The following SPAG8 variants were observed in gnomAD, a reference collection of about 807,000 sequenced individuals.
SPAG8 encodes the protein sperm-associated antigen 8.
In SPAG8, 36 loss-of-function variants were observed where a neutral mutation model predicts 45.3. That is an observed-to-expected ratio of 0.80 (90% CI 0.61 to 1.05). SPAG8 has a LOEUF of 1.05. Ranked by LOEUF, SPAG8 falls within the 50% of genes least tolerant of loss-of-function variation. The probability of loss-of-function intolerance (pLI) is 0.00; values close to 1 mark genes in which losing one functional copy is unlikely to be tolerated. For synonymous variants in SPAG8, 227 were observed against 232.6 expected (o/e 0.98, Z 0.22); for missense variants, 573 against 609.2 (o/e 0.94, Z 0.63).
chr9:35,810,854 G>A (rs367551730), intron 3 of SPAG8, 29 bp downstream of exon 3: 231 of 1,606,756 alleles, frequency 1.4e-4, no homozygotes, highest in Middle Eastern at 3.7e-4. Flanking sequence ...TAATGGGCTC[G>A]TTCTGGCCTA....
chr9:35,810,283 A>C lies in SPAG8; in HGVS notation c.1227T>G (p.Pro409=). ...TKPHDYRQEQ[P]ETFWIQRAPQ... The stretch of plus-strand genomic sequence containing the variant: ...GTGCCCTCTGTATCCAGAAGGTCTC[A>C]GGTTGCTCCTGGCGGTAGTCGTGAG... The change falls in exon 6 of 7, where the codon CCT becomes CCG. Residue 409 remains proline, a synonymous_variant. Coordinates refer to ENST00000396638, the MANE Select transcript of SPAG8 (RefSeq NM_001039592.2). The C allele has an allele frequency of 6.2e-7, 1 of 1,614,194 alleles. No homozygotes were observed. Among genetic ancestry groups the C allele is most frequent in the Non-Finnish European group, 8.5e-7 (1 of 1,179,996 alleles).
downstream of SPAG8, chr9:35,808,423 T>G (rs1476712905): frequency 1.4e-6 from 2 of 1,470,744 alleles, no homozygotes; most frequent in Non-Finnish European, 1.9e-6. This position sits in a 1 kb window ranked among gnomAD's most constrained non-coding sequence, Gnocchi z 4.0. Context: ...GGATGATTAA[T>G]GATGGTGTCA....
rs756554561 is a variant in SPAG8, at chr9:35,811,614, C to A, written c.432G>T (p.Gly144=). The A allele has an allele frequency of 8.1e-6, 13 of 1,614,126 alleles. No homozygotes were observed. Among genetic ancestry groups the A allele is most frequent in the Non-Finnish European group, 1.1e-5 (13 of 1,179,996 alleles). The part of the protein sequence containing the change: ...NPGPVPGSSS[G]PVLGSSSGAG... ...CACCTGAGCTGGAACCAAGAACAGG[C>A]CCAGAGCTAGAGCCTGGAACAGGGC... The change falls in exon 2 of 7, where the codon GGG becomes GGT. Residue 144 remains glycine (G), a synonymous_variant. Coordinates refer to ENST00000396638, the MANE Select transcript of SPAG8 (RefSeq NM_001039592.2).
rs371932974 is a variant in SPAG8, at chr9:35,811,978, G to A, written c.68C>T (p.Ser23Phe). 78 of 1,601,658 alleles carry A rather than the reference G, an allele frequency of 4.9e-5. No homozygotes were observed. Among genetic ancestry groups the A allele is most frequent in the Non-Finnish European group, 6.3e-5 (74 of 1,172,016 alleles). The change falls in exon 2 of 7, where the codon TCC becomes TTC. Residue 23 changes from serine (S) to phenylalanine (F), a missense_variant. Transcript: ENST00000396638. ...RSRSLDIQPSSEGLGPTSEPF... is the reference protein window; with the variant it reads ...RSRSLDIQPSFEGLGPTSEPF... ...TTCCGAAGTGGGCCCCAGTCCTTCG[G>A]AGCTGGGCTGTATGTCTAAAGATCT...
At position 35,811,753 on chromosome 9, in the gene SPAG8, G is replaced by A. The variant is rs575184259; in HGVS notation, c.293C>T (p.Ala98Val). Residue 98 changes from alanine to valine, a missense_variant, in exon 2 of 7, where the codon GCG becomes GTG. By Grantham distance (64) the Ala-to-Val change is moderately conservative. Coordinates refer to ENST00000396638, the MANE Select transcript of SPAG8 (RefSeq NM_001039592.2). ...TATATTGTGGGTAAAGCCGGGTCCC[G>A]CACAGGGCTCCCCAAGAAGGCTGGG... ...SDPSLLGEPCAGPGFTHNIAH... is the reference protein window; with the variant it reads ...SDPSLLGEPCVGPGFTHNIAH... The A allele has an allele frequency of 3.1e-6, 5 of 1,614,118 alleles. No individual in the cohort carries two copies. The highest frequency in any genetic ancestry group is 1.7e-5 in the Admixed American group (1 of 60,012).
At chr9:35,808,957 T>C, downstream of SPAG8, 1 of 942,588 alleles carries the variant, frequency 1.1e-6, no homozygotes, top group South Asian at 1.3e-5. The surrounding 1 kb of genome is among the most constrained non-coding windows in gnomAD (Gnocchi z 4.0). Flanking sequence ...CACAGTTCCT[T>C]AGTGTCGCAT....
rs1363406837 is a variant in SPAG8 at position 35,809,851 on chromosome 9, G to T, written c.*87C>A. On this transcript the variant is annotated 3_prime_UTR_variant, in exon 7 of 7. Coordinates refer to ENST00000396638, the MANE Select transcript of SPAG8 (RefSeq NM_001039592.2). The surrounding 1 kb of genome is among the most constrained non-coding windows in gnomAD (Gnocchi z 4.1). ...AACCCTTTATGTAAAGCCTCTTCAA[G>T]TACAGTGAGAATTAACTTCCTCCCG... The T allele has an allele frequency of 2.6e-6, 4 of 1,533,650 alleles. No individual in the cohort carries two copies. Among genetic ancestry groups the T allele is most frequent in the Non-Finnish European group, 3.5e-6 (4 of 1,147,782 alleles).
chr9:35,811,073 T>A lies in SPAG8; in HGVS notation c.865-16A>T. On this transcript the variant is annotated splice_polypyrimidine_tract_variant and intron_variant, in intron 2 of 6. Coordinates refer to ENST00000396638, the MANE Select transcript of SPAG8 (RefSeq NM_001039592.2). ...TGGTGGCTCTCTGTGGATCCCAAGT[T>A]GAATGACTATAATATCCCTTCTGGT... 6.2e-7 allele frequency: 1 copy of A among 1,609,618 alleles called. No individual in the cohort carries two copies. The highest frequency in any genetic ancestry group is 8.5e-7 in the Non-Finnish European group (1 of 1,177,544).
downstream of SPAG8, chr9:35,809,206 G>A: frequency 6.2e-7 from 1 of 1,614,044 alleles, no homozygotes; most frequent in Non-Finnish European, 8.5e-7. The surrounding 1 kb of genome is among the most constrained non-coding windows in gnomAD (Gnocchi z 4.1). Context: ...AGATGAGCTA[G>A]GATGCTTCCA....
Position 35,811,887 on chromosome 9 carries a change from C to CGCTGCAGCTGCTGCGGTTGCAGCT in SPAG8, c.135_158dup (p.Thr48_Ala55dup). 4 of 1,608,248 alleles carry CGCTGCAGCTGCTGCGGTTGCAGCT rather than the reference C, an allele frequency of 2.5e-6. No homozygotes were observed. The highest frequency in any genetic ancestry group is 3.4e-6 in the Non-Finnish European group (4 of 1,175,630). The stretch of plus-strand genomic sequence containing the variant: ...CAGTAGCTGCAGCAGCTGATGCAGC[C>CGCTGCAGCTGCTGCGGTTGCAGCT]GCTGCAGCTGCTGCGGTTGCAGCTG... On this transcript the variant is annotated inframe_insertion, in exon 2 of 7. Transcript: ENST00000396638.
Position 35,811,260 on chromosome 9 carries a change from T to C in SPAG8, c.786A>G (p.Pro262=). ...EPGARGLWKP[P]DIKGKLMVCY... ...AAACCATAAGCTTCCCTTTAATGTC[T>C]GGGGGTTTCCATAGTCCTCGGGCAC... Residue 262 remains proline (P), a synonymous_variant, in exon 2 of 7, where the codon CCA becomes CCG. Transcript: ENST00000396638. 1 of 1,612,902 alleles carries C rather than the reference T, an allele frequency of 6.2e-7. No homozygotes were observed. The highest frequency in any genetic ancestry group is 8.5e-7 in the Non-Finnish European group (1 of 1,179,222).
Position 35,812,112 on chromosome 9 carries a change from C to CGAT in SPAG8, c.35_36insATC (p.Ser12dup). The stretch of plus-strand genomic sequence containing the variant: ...AGAGCTGCGGCTCTCACCGCGACCG[C>CGAT]GACCGCGATCCCTCCGTAGACTCGT... On this transcript the variant is annotated inframe_insertion, in exon 1 of 7. Coordinates refer to ENST00000396638, the MANE Select transcript of SPAG8 (RefSeq NM_001039592.2). 6.2e-7 allele frequency: 1 copy of CGAT among 1,609,866 alleles called. No homozygotes were observed. The highest frequency in any genetic ancestry group is 1.7e-5 in the Admixed American group (1 of 60,022).
At position 35,811,339 on chromosome 9, in the gene SPAG8, G is replaced by A. The variant is rs375241632; in HGVS notation, c.707C>T (p.Pro236Leu). The change falls in exon 2 of 7, where the codon CCC becomes CTC. Residue 236 changes from proline (P) to leucine (L), a missense_variant. Pro to Leu is a moderately conservative substitution (Grantham distance 98). Coordinates refer to ENST00000396638, the MANE Select transcript of SPAG8 (RefSeq NM_001039592.2). ...PNYTSWSQHCPWEPQKQPPWE... is the reference protein window; with the variant it reads ...PNYTSWSQHCLWEPQKQPPWE... ...AGGTGGTTGTTTCTGGGGCTCCCAG[G>A]GGCAGTGCTGACTCCAGGAGGTATA... 499 of 1,614,192 alleles carry A rather than the reference G, an allele frequency of 3.1e-4. 4 individuals are homozygous for A. Among genetic ancestry groups the A allele is most frequent in the South Asian group, 2.4e-3 (217 of 91,084 alleles).
At position 35,810,569 on chromosome 9, in the gene SPAG8, G is replaced by A. The variant is rs377618664; in HGVS notation, c.1086-16C>T. 2.4e-5 allele frequency: 38 copies of A among 1,613,878 alleles called. No individual in the cohort carries two copies. In the African/African-American group the frequency reaches 4.1e-4, roughly 18 times the overall value. ...CACCTCTTTACTATGTAGCCCGAGGGGTGTCAAGGCCATTCTCACCCAATT... is the reference window on the plus strand; with the variant it reads ...CACCTCTTTACTATGTAGCCCGAGGAGTGTCAAGGCCATTCTCACCCAATT... On this transcript the variant is annotated splice_polypyrimidine_tract_variant and intron_variant, in intron 4 of 6. Coordinates refer to ENST00000396638, the MANE Select transcript of SPAG8 (RefSeq NM_001039592.2).
chr9:35,809,076 G>A, downstream of SPAG8: 1 of 1,349,604 alleles, frequency 7.4e-7, no homozygotes. The surrounding 1 kb of genome is among the most constrained non-coding windows in gnomAD (Gnocchi z 4.1). Context: ...CGGGCACGGT[G>A]CTATACAGTA....
downstream of SPAG8, chr9:35,809,282 G>A (rs755678798): frequency 1.1e-5 from 18 of 1,611,582 alleles, no homozygotes; most frequent in Admixed American, 2.7e-4. This position sits in a 1 kb window ranked among gnomAD's most constrained non-coding sequence, Gnocchi z 4.1. Flanking sequence ...GGCATGGAAA[G>A]GGAGGGTGAA....
chr9:35,811,797 G>A lies in SPAG8; in HGVS notation c.249C>T (p.Phe83=), dbSNP rs760970921. The change falls in exon 2 of 7, where the codon TTC becomes TTT. Residue 83 remains phenylalanine, a synonymous_variant. Transcript: ENST00000396638. The part of the protein sequence containing the change: ...STKTPAPCSE[F]MEPSSDPSLL... ...GGCTGGGGTCAGAGGACGGCTCCATGAACTCAGAACAGGGCGCTGGGGTCT... is the reference window on the plus strand; with the variant it reads ...GGCTGGGGTCAGAGGACGGCTCCATAAACTCAGAACAGGGCGCTGGGGTCT... 1 of 1,614,084 alleles carries A rather than the reference G, an allele frequency of 6.2e-7. No individual in the cohort carries two copies. The highest frequency in any genetic ancestry group is 2.2e-5 in the East Asian group (1 of 44,876).
downstream of SPAG8, chr9:35,808,667 C>CA: frequency 1.9e-6 from 3 of 1,614,124 alleles, no homozygotes; most frequent in Non-Finnish European, 2.5e-6. The surrounding 1 kb of genome is among the most constrained non-coding windows in gnomAD (Gnocchi z 4.0). Context: ...TGAGGCTACG[C>CA]ATAGGGGTCC....
chr9:35,809,498 C>T (rs139173465), downstream of SPAG8: 1 of 1,613,974 alleles, frequency 6.2e-7, no homozygotes, highest in African/African-American at 1.3e-5. The surrounding 1 kb of genome is among the most constrained non-coding windows in gnomAD (Gnocchi z 4.1). Context: ...CCTGGGTGGG[C>T]AATGGCCACC....
Sources: gnomAD v4.1 joint callset for allele counts on GRCh38, gnomAD v4.1.1 for gene constraint, Gnocchi (gnomAD v3.1) non-coding constraint, MANE v1.5 for transcripts, NCBI Gene and HGNC (gene_info 2026-07-23, HGNC 2026-07-21) for gene names.